EPC2: variants seen among roughly 807,000 people sequenced by gnomAD.
EPC2 encodes enhancer of polycomb homolog 2.
EPC2 carries 14 observed loss-of-function variants against 92.1 expected under a neutral mutation model. The observed-to-expected ratio is 0.15, with a 90% CI of 0.10 to 0.24. EPC2 has a LOEUF of 0.24. Ranked by LOEUF, EPC2 falls within the 10% of genes least tolerant of loss-of-function variation. The pLI, the probability that EPC2 is intolerant of heterozygous loss-of-function variation, is 1.00. For synonymous variants in EPC2, 340 were observed against 334.7 expected (o/e 1.02, Z -0.17); for missense variants, 755 against 971.5 (o/e 0.78, Z 2.96).
intron 1 of EPC2, among the ~76,000 whole-genome samples, chr2:148,671,287 ATTTTTTTTT>A (rs60048357): frequency 2.4e-5 from 3 of 127,092 alleles, no homozygotes; most frequent in African/African-American, 9.1e-5. Context: ...GTGGATTGTG[ATTTTTTTTT>A]TTTTTTTTTT....
intron 1 of EPC2, among the ~76,000 whole-genome samples, chr2:148,649,340 A>G (rs1680613394): frequency 1.3e-5 from 2 of 152,212 alleles, no homozygotes; most frequent in Non-Finnish European, 2.9e-5. Flanking sequence ...CTCCTTTGCA[A>G]CCAGTCCCTT....
intron 3 of EPC2, among the ~76,000 whole-genome samples, chr2:148,750,452 T>C (rs987409042): frequency 2.6e-5 from 4 of 152,110 alleles, no homozygotes; most frequent in Non-Finnish European, 5.9e-5. Flanking sequence ...ACTTTATAAC[T>C]CTACCAGTCT....
intron 2 of EPC2, among the ~76,000 whole-genome samples, chr2:148,690,645 TAC>T (rs1681626519): frequency 1.3e-5 from 2 of 152,284 alleles, no homozygotes; most frequent in Admixed American, 6.5e-5. Flanking sequence ...GGTGGTGGAT[TAC>T]TATACCCAAA....
Position 148,753,914 on chromosome 2 carries a change from AT to A in EPC2, c.460-8del, listed in dbSNP as rs756747796. The A allele has an allele frequency of 1.9e-6, 3 of 1,596,644 alleles. No individual in the cohort carries two copies. The highest frequency in any genetic ancestry group is 2.6e-6 in the Non-Finnish European group (3 of 1,171,426). ...AACATTGTAGCCAATGACATTTTGT[AT>A]TTTTCATTTAGCTTGTAACACTTCA... On this transcript the variant is annotated splice_polypyrimidine_tract_variant and intron_variant, in intron 3 of 13. Coordinates refer to ENST00000258484, the MANE Select transcript of EPC2 (RefSeq NM_015630.4).
chr2:148,718,178 G>A (rs550702136), intron 2 of EPC2, among the ~76,000 whole-genome samples: 1 of 152,148 alleles, frequency 6.6e-6, no homozygotes, highest in African/African-American at 2.4e-5. Flanking sequence ...GTAGCAATGG[G>A]TCTTGATTCT....
intron 1 of EPC2, among the ~76,000 whole-genome samples, chr2:148,676,779 T>A (rs1435873319): frequency 7.0e-4 from 1 of 1,420 alleles, no homozygotes; most frequent in East Asian, 0.083. Context: ...ATTTAGGTGC[T>A]CTCTCTCTCT....
chr2:148,687,123 C>T (rs560351819), intron 1 of EPC2, among the ~76,000 whole-genome samples: 1 of 152,324 alleles, frequency 6.6e-6, no homozygotes, highest in East Asian at 1.9e-4. Context: ...TGATGTTTCT[C>T]CATCAGCACT....
intron 1 of EPC2, among the ~76,000 whole-genome samples, chr2:148,682,113 G>C (rs1490388254): frequency 6.6e-6 from 1 of 152,182 alleles, no homozygotes; most frequent in Non-Finnish European, 1.5e-5. Flanking sequence ...TCTTAATCCA[G>C]TCTGTCATTC....
At position 148,696,403 on chromosome 2, in the gene EPC2, C is replaced by A. The variant is rs116008023; in HGVS notation, c.313+6030C>A. On this transcript the variant is annotated intron_variant, in intron 2 of 13. Coordinates refer to ENST00000258484, the MANE Select transcript of EPC2 (RefSeq NM_015630.4). ...GGAGAACGCCCCTTCAGGCTATGTG[C>A]ATTTATTTATGTCCACTTTTCAAAA... Among the ~76,000 whole-genome samples the A allele has an allele frequency of 7.2e-3, 1,091 of 152,170 alleles. 6 individuals carry two copies. Among genetic ancestry groups the A allele is most frequent in the African/African-American group, 0.025 (1,025 of 41,510 alleles).
At chr2:148,693,156 T>TA (rs1681676286) in intron 2 of EPC2, among the ~76,000 whole-genome samples, 1 of 152,260 alleles carries the variant, frequency 6.6e-6, no homozygotes, top group African/African-American at 2.4e-5. Flanking sequence ...AAATTTTTTT[T>TA]ATGTAACTTT....
chr2:148,686,123 T>C (rs905002893), intron 1 of EPC2, among the ~76,000 whole-genome samples: 9 of 152,246 alleles, frequency 5.9e-5, no homozygotes, highest in Non-Finnish European at 1.0e-4. Context: ...AGTAGAACTT[T>C]TTTCAAAATT....
At chr2:148,691,444 G>T in intron 2 of EPC2, 1 of 1,417,634 alleles carries the variant, frequency 7.1e-7, no homozygotes, top group African/African-American at 1.4e-5. Context: ...TTTTTAAAGA[G>T]TTCCCTGTGT....
chr2:148,757,463 T>C (rs916918469), intron 4 of EPC2, among the ~76,000 whole-genome samples: 1 of 152,208 alleles, frequency 6.6e-6, no homozygotes, highest in Non-Finnish European at 1.5e-5. Context: ...ACATATTTCC[T>C]AGCTCTGTTC....
At chr2:148,654,098 G>A (rs1350976002) in intron 1 of EPC2, among the ~76,000 whole-genome samples, 1 of 151,712 alleles carries the variant, frequency 6.6e-6, no homozygotes, top group African/African-American at 2.4e-5. Flanking sequence ...ATAGGCACAC[G>A]CCACCACGCC....
intron 1 of EPC2, among the ~76,000 whole-genome samples, chr2:148,651,016 A>T (rs1170966620): frequency 6.6e-6 from 1 of 152,224 alleles, no homozygotes; most frequent in Non-Finnish European, 1.5e-5. Context: ...AGCAAAAACT[A>T]CAGGGTTAAG....
chr2:148,738,548 A>G (rs1308144587), intron 2 of EPC2, among the ~76,000 whole-genome samples: 4 of 152,204 alleles, frequency 2.6e-5, no homozygotes, highest in Non-Finnish European at 5.9e-5. Context: ...TACTTATGCT[A>G]TATGTGCAGT....
intron 2 of EPC2, among the ~76,000 whole-genome samples, chr2:148,714,947 G>A (rs549023388): frequency 6.6e-6 from 1 of 150,648 alleles, no homozygotes; most frequent in South Asian, 2.1e-4. Flanking sequence ...TTTTGTTGCA[G>A]TTGCTTTTGG....
rs116478723 is a variant in EPC2 at position 148,777,302 on chromosome 2, T to A, written c.1721-4342T>A. Among the ~76,000 whole-genome samples the A allele has an allele frequency of 7.1e-3, 1,087 of 152,288 alleles. 7 individuals carry two copies. The highest frequency in any genetic ancestry group is 0.025 in the African/African-American group (1,021 of 41,538). ...TTACTACCAAATTAGGTATTCCTCA[T>A]TAAGCTATGAAAATTTGGTCTAGGC... On this transcript the variant is annotated intron_variant, in intron 10 of 13. Transcript: ENST00000258484.
In EPC2 at chr2:148,765,111, G is replaced by T; in HGVS notation, c.1105G>T (p.Asp369Tyr). ...CAATAAGAGTGACATTAAGCAATAT[G>T]ATTTTCACAGCTCAGATGAAGATGA... ...VINKSDIKQY[D>Y]FHSSDEDEFP... is the part of the protein sequence containing the mutation. The change falls in exon 7 of 14, where the codon GAT (aspartate) becomes TAT (tyrosine). Residue 369 changes from aspartate (D) to tyrosine (Y), a missense_variant. Physicochemically the swap from Asp to Tyr is radical, Grantham distance 160. Around this residue, in one of 4 missense-constraint regions of EPC2, gnomAD observed 509 missense variants for 607.7 expected, o/e 0.84. Transcript: ENST00000258484. The T allele has an allele frequency of 3.8e-6, 6 of 1,584,538 alleles. No individual in the cohort carries two copies. Among genetic ancestry groups the T allele is most frequent in the South Asian group, 1.2e-5 (1 of 84,554 alleles).
Sources: gnomAD v4.1 joint callset for allele counts (sites outside exome capture counted in the v4.1 genomes callset) on GRCh38, gnomAD v4.1.1 for gene constraint, gnomAD v4.1.1 regional missense constraint, MANE v1.5 for transcripts, NCBI Gene and HGNC (gene_info 2026-07-23, HGNC 2026-07-21) for gene names.